RIC1: variants seen among roughly 807,000 people sequenced by gnomAD.
RIC1 encodes the protein guanine nucleotide exchange factor subunit RIC1.
In RIC1, 88 loss-of-function variants were observed where a neutral mutation model predicts 169.0. The ratio of observed to expected loss-of-function variants is 0.52; its 90% CI spans 0.44 to 0.62. The LOEUF (loss-of-function observed/expected upper bound fraction) is 0.62. RIC1 is among the 20% of genes least tolerant of loss of function. The pLI is 0.00. For missense variants in RIC1, 1,877 were observed against 1,725.5 expected (o/e 1.09, Z -1.56); for synonymous variants, 790 against 601.5 (o/e 1.31, Z -4.59).
At chr9:5,764,558 A>C (rs894765025) in intron 19 of RIC1, among the ~76,000 whole-genome samples, 1 of 152,244 alleles carries the variant, frequency 6.6e-6, no homozygotes, top group African/African-American at 2.4e-5. Flanking sequence ...TGATGTAAGA[A>C]GCTAACCATA....
Position 5,720,617 on chromosome 9 carries a change from G to T in RIC1, c.587G>T (p.Gly196Val). ...ATGTGCTTATTTTTTTCATCAGTAG[G>T]TTCATTCCTGGGCTTCACAGACGTA... ...FSVDLQSSRV[G>V]SFLGFTDVHI... The change falls in exon 6 of 26, where the codon GGT (glycine) becomes GTT (valine). Residue 196 changes from glycine to valine, a missense_variant. Physicochemically the swap from Gly to Val is moderately radical, Grantham distance 109. Around this residue, in one of 3 missense-constraint regions of RIC1, gnomAD observed 1,104 missense variants for 992.0 expected, o/e 1.11. Transcript: ENST00000414202. 2 of 1,589,984 alleles carry T rather than the reference G, an allele frequency of 1.3e-6. No homozygotes were observed.
At chr9:5,734,997 T>G (rs140526563) in intron 7 of RIC1, among the ~76,000 whole-genome samples, 3 of 152,210 alleles carry the variant, frequency 2.0e-5, no homozygotes, top group African/African-American at 7.2e-5. Context: ...ATTAACCCAG[T>G]TGCCACCAGC....
intron 4 of RIC1, among the ~76,000 whole-genome samples, chr9:5,716,242 C>G (rs2130841743): frequency 6.6e-6 from 1 of 152,254 alleles, no homozygotes; most frequent in South Asian, 2.1e-4. Context: ...AAGAGGCTCT[C>G]TAAGGATATA....
intron 2 of RIC1, among the ~76,000 whole-genome samples, chr9:5,660,261 G>T (rs1819375331): frequency 6.6e-6 from 1 of 152,160 alleles, no homozygotes; most frequent in Admixed American, 6.6e-5. Context: ...ATCATCGGGG[G>T]ACATTCAGGT....
At chr9:5,633,040 A>G (rs1817794239) in intron 1 of RIC1, among the ~76,000 whole-genome samples, 1 of 152,230 alleles carries the variant, frequency 6.6e-6, no homozygotes, top group Admixed American at 6.5e-5. Context: ...TTAGTGTGTT[A>G]ATATAAATCT....
chr9:5,656,680 T>C lies in RIC1; in HGVS notation c.242T>C (p.Ile81Thr). ...QAEWRPDSTM[I>T]AVSTANGYIL... ...GAATGGAGGCCAGATAGTACCATGATAGCTGTATCAGTAAGTAGATTTTAC... is the reference window on the plus strand; with the variant it reads ...GAATGGAGGCCAGATAGTACCATGACAGCTGTATCAGTAAGTAGATTTTAC... The change falls in exon 2 of 26, where the codon ATA becomes ACA. Residue 81 changes from isoleucine (I) to threonine (T), a missense_variant. Physicochemically the swap from Ile to Thr is moderately conservative, Grantham distance 89 (BLOSUM62 -1). Around this residue, in one of 3 missense-constraint regions of RIC1, gnomAD observed 1,104 missense variants for 992.0 expected, o/e 1.11. Coordinates refer to ENST00000414202, the MANE Select transcript of RIC1 (RefSeq NM_020829.4). 1 of 1,584,540 alleles carries C rather than the reference T, an allele frequency of 6.3e-7. No homozygotes were observed. The highest frequency in any genetic ancestry group is 8.6e-7 in the Non-Finnish European group (1 of 1,158,044).
At chr9:5,716,555 G>A (rs1169642556) in intron 4 of RIC1, among the ~76,000 whole-genome samples, 1 of 152,200 alleles carries the variant, frequency 6.6e-6, no homozygotes, top group Non-Finnish European at 1.5e-5. Context: ...AGAGGTTGCA[G>A]TGAGCTGAGA....
chr9:5,696,600 T>TAA (rs146383630), intron 3 of RIC1, among the ~76,000 whole-genome samples: 2 of 151,530 alleles, frequency 1.3e-5, no homozygotes, highest in East Asian at 1.9e-4. Flanking sequence ...CCTTCTTACT[T>TAA]AAAAAAAAAT....
At chr9:5,740,956 C>T (rs1043649576) in intron 8 of RIC1, among the ~76,000 whole-genome samples, 1 of 152,142 alleles carries the variant, frequency 6.6e-6, no homozygotes, top group Non-Finnish European at 1.5e-5. Flanking sequence ...CCAACTCATA[C>T]CTTCTTCTTG....
In RIC1 at chr9:5,773,052, G is replaced by A. The variant is rs200738061; in HGVS notation, c.3955G>A (p.Ala1319Thr). 6.8e-6 allele frequency: 11 copies of A among 1,612,860 alleles called. No homozygotes were observed. Among genetic ancestry groups the A allele is most frequent in the Non-Finnish European group, 9.3e-6 (11 of 1,179,402 alleles). Residue 1319 changes from alanine to threonine, a missense_variant, in exon 25 of 26, where the codon GCA becomes ACA. By Grantham distance (58) the Ala-to-Thr change is moderately conservative (BLOSUM62 0). Transcript: ENST00000414202. Reference sequence around the variant, plus strand: ...ACAGAACATAAAGACAGGGCTCCATGCAGTGGACCGATGGGCCTCTACAGA... The same window carrying A: ...ACAGAACATAAAGACAGGGCTCCATACAGTGGACCGATGGGCCTCTACAGA... ...MLQNIKTGLH[A>T]VDRWASTDCP...
At chr9:5,701,580 C>G (rs1178182364) in intron 3 of RIC1, among the ~76,000 whole-genome samples, 3 of 142,724 alleles carry the variant, frequency 2.1e-5, no homozygotes, top group Non-Finnish European at 4.5e-5. Flanking sequence ...GGTGACAGAG[C>G]AAGACTCCAT....
intron 2 of RIC1, among the ~76,000 whole-genome samples, chr9:5,675,493 G>A (rs1244145286): frequency 6.6e-6 from 1 of 152,050 alleles, no homozygotes; most frequent in Non-Finnish European, 1.5e-5. Context: ...ATTTTCAGTG[G>A]CCAAAAATAT....
chr9:5,707,626 CTTT>C (rs1563916272), intron 3 of RIC1, among the ~76,000 whole-genome samples: 2 of 152,024 alleles, frequency 1.3e-5, no homozygotes. Context: ...AAAAATCCTT[CTTT>C]GTCTCTTGTG....
At chr9:5,656,072 G>T (rs1819080198) in intron 1 of RIC1, among the ~76,000 whole-genome samples, 1 of 151,854 alleles carries the variant, frequency 6.6e-6, no homozygotes, top group South Asian at 2.1e-4. Context: ...GGGTTTCACT[G>T]TGTTAGCCAG....
At chr9:5,664,886 C>T (rs748077144) in intron 2 of RIC1, among the ~76,000 whole-genome samples, 3 of 152,110 alleles carry the variant, frequency 2.0e-5, no homozygotes, top group Non-Finnish European at 4.4e-5. Flanking sequence ...TTCTTTTCTC[C>T]ACTTGGTCTA....
intron 10 of RIC1, among the ~76,000 whole-genome samples, chr9:5,744,498 T>C (rs755025519): frequency 2.6e-5 from 4 of 152,168 alleles, no homozygotes; most frequent in Non-Finnish European, 4.4e-5. Flanking sequence ...TTTGGAACTT[T>C]TTGGATTTTG....
rs116935000 is a variant in RIC1 at position 5,672,078 on chromosome 9, C to G, written c.252+15388C>G. 1.9e-3 allele frequency among the ~76,000 whole-genome samples: 289 copies of G among 152,334 alleles called. 1 individual carries two copies. The East Asian group carries it at 0.023, about 12-fold the overall frequency. On this transcript the variant is annotated intron_variant, in intron 2 of 25. Transcript: ENST00000414202. ...TCATGGTCTGAGGAAGCCGGCCCTT[C>G]TACTCAGAGACAGTGCCTGAGAGGA...
At chr9:5,658,373 C>G (rs1440279545) in intron 2 of RIC1, among the ~76,000 whole-genome samples, 1 of 151,994 alleles carries the variant, frequency 6.6e-6, no homozygotes, top group Non-Finnish European at 1.5e-5. Context: ...GAACAGCTCA[C>G]CACAAAATTC....
chr9:5,738,184 C>T (rs1483059418), intron 7 of RIC1, among the ~76,000 whole-genome samples: 4 of 152,018 alleles, frequency 2.6e-5, no homozygotes, highest in Non-Finnish European at 5.9e-5. Context: ...AGGCTATTTC[C>T]TTTTTTAAAA....
Sources: allele counts gnomAD v4.1 joint callset (sites outside exome capture counted in the v4.1 genomes callset), GRCh38; gene constraint gnomAD v4.1.1; regional missense constraint gnomAD v4.1.1; transcripts MANE v1.5; gene names NCBI Gene and HGNC (gene_info 2026-07-23, HGNC 2026-07-21).